Variants in GPT2 observed in about 807,000 individuals in gnomAD.
GPT2 encodes the protein glutamic--pyruvic transaminase 2, also known as alanine aminotransferase 2.
Under a neutral mutation model 56.9 loss-of-function variants are expected in GPT2, and 30 were observed. The ratio of observed to expected loss-of-function variants is 0.53; its 90% CI spans 0.39 to 0.72. GPT2 has a LOEUF of 0.72. Among genes scored for constraint, GPT2 ranks in the 30% least tolerant of loss-of-function variants. The pLI is 0.00. For synonymous variants in GPT2, 271 were observed against 283.1 expected (o/e 0.96, Z 0.43); for missense variants, 542 against 703.4 (o/e 0.77, Z 2.60).
At position 46,930,106 on chromosome 16, in the gene GPT2, A is replaced by C. The variant is rs1326893583; in HGVS notation, c.*1109A>C. Reference sequence around the variant, plus strand: ...GTTGGAGGTTCATTGCCGTGCTTTCATGCAGAGTGTTTTGCCTTCATGTTA... The same window carrying C: ...GTTGGAGGTTCATTGCCGTGCTTTCCTGCAGAGTGTTTTGCCTTCATGTTA... On this transcript the variant is annotated 3_prime_UTR_variant, in exon 12 of 12. Transcript: ENST00000340124. The C allele has an allele frequency of 2.0e-5, 3 of 153,196 alleles. No individual in the cohort carries two copies. The highest frequency in any genetic ancestry group is 6.5e-5 in the Admixed American group (1 of 15,290). The allele number at this position is 153,196 out of a possible 1,614,324, so 9.5% of individuals were successfully genotyped here.
intron 2 of GPT2, among the ~76,000 whole-genome samples, chr16:46,890,141 G>A (rs905341112): frequency 1.3e-5 from 2 of 152,174 alleles, no homozygotes; most frequent in Non-Finnish European, 2.9e-5. Context: ...GTGTGTAGCT[G>A]CAGCTCCGGT....
Position 46,909,735 on chromosome 16 carries a change from A to T in GPT2, c.628A>T (p.Met210Leu), listed in dbSNP as rs1023571145. 1.2e-6 allele frequency: 2 copies of T among 1,614,130 alleles called. No individual in the cohort carries two copies. Among genetic ancestry groups the T allele is most frequent in the Non-Finnish European group, 8.5e-7 (1 of 1,180,028 alleles). Reference protein sequence around the residue: ...SGGGKSRTGVMIPIPQYPLYS... With the variant: ...SGGGKSRTGVLIPIPQYPLYS... Reference sequence around the variant, plus strand: ...GGGCGGCAAGTCACGGACAGGTGTGATGATCCCCATCCCACAATATCCCCT... The same window carrying T: ...GGGCGGCAAGTCACGGACAGGTGTGTTGATCCCCATCCCACAATATCCCCT... Residue 210 changes from methionine (M) to leucine (L), a missense_variant, in exon 6 of 12, where the codon ATG becomes TTG. By Grantham distance (15) the Met-to-Leu change is conservative. Coordinates refer to ENST00000340124, the MANE Select transcript of GPT2 (RefSeq NM_133443.4).
At position 46,909,664 on chromosome 16, in the gene GPT2, A is replaced by T; in HGVS notation, c.577-20A>T. On this transcript the variant is annotated intron_variant, in intron 5 of 11. Coordinates refer to ENST00000340124, the MANE Select transcript of GPT2 (RefSeq NM_133443.4). The stretch of plus-strand genomic sequence containing the variant: ...ATGGGAAGTAGTGCTGGCTTTCTAG[A>T]TGTGAATTCTCTGTTGCAGACGATC... The T allele has an allele frequency of 3.7e-6, 6 of 1,607,442 alleles. No individual in the cohort carries two copies. The highest frequency in any genetic ancestry group is 5.1e-6 in the Non-Finnish European group (6 of 1,174,720).
rs1175793000 is a variant in GPT2, at chr16:46,909,791, C to T, written c.684C>T (p.Ala228=). ...LYSAVISELD[A]IQVNYYLDEE... is the part of the protein sequence containing the mutation. ...CAGCTGTCATCTCTGAGCTCGACGCCATCCAGGTGAATTACTACCTGGACG... is the reference window on the plus strand; with the variant it reads ...CAGCTGTCATCTCTGAGCTCGACGCTATCCAGGTGAATTACTACCTGGACG... The change falls in exon 6 of 12, where the codon GCC becomes GCT. Residue 228 remains alanine, a synonymous_variant. Transcript: ENST00000340124. The T allele has an allele frequency of 1.2e-6, 2 of 1,614,046 alleles. No homozygotes were observed. Among genetic ancestry groups the T allele is most frequent in the East Asian group, 4.5e-5 (2 of 44,890 alleles).
rs1401416535 is a variant in GPT2, at chr16:46,922,298, G to C, written c.1094G>C (p.Gly365Ala). 6.2e-7 allele frequency: 1 copy of C among 1,614,052 alleles called. No homozygotes were observed. Among genetic ancestry groups the C allele is most frequent in the African/African-American group, 1.3e-5 (1 of 74,934 alleles). ...ATCAACCTGCACCCTGAGATCAAGG[G>C]CCAGCTGGTGAAGCTGCTGTCGGTG... Reference protein sequence around the residue: ...EVINLHPEIKGQLVKLLSVRL... With the variant: ...EVINLHPEIKAQLVKLLSVRL... The change falls in exon 9 of 12, where the codon GGC (glycine) becomes GCC (alanine). Residue 365 changes from glycine (G) to alanine (A), a missense_variant. Gly to Ala is a moderately conservative substitution (Grantham distance 60). Coordinates refer to ENST00000340124, the MANE Select transcript of GPT2 (RefSeq NM_133443.4).
intron 4 of GPT2, among the ~76,000 whole-genome samples, chr16:46,905,087 C>G (rs1393653842): frequency 6.7e-6 from 1 of 150,218 alleles, no homozygotes; most frequent in Non-Finnish European, 1.5e-5. Flanking sequence ...AAGACCGTCT[C>G]AATCTGTCGC....
At chr16:46,919,345 G>T (rs778721907) in intron 8 of GPT2, among the ~76,000 whole-genome samples, 1 of 152,100 alleles carries the variant, frequency 6.6e-6, no homozygotes, top group Non-Finnish European at 1.5e-5. Flanking sequence ...TGCGTCCCAC[G>T]GAGAACAGTC....
At chr16:46,915,008 C>G (rs1335469350) in intron 6 of GPT2, among the ~76,000 whole-genome samples, 1 of 152,116 alleles carries the variant, frequency 6.6e-6, no homozygotes, top group South Asian at 2.1e-4. Context: ...GCCTCAAACT[C>G]CTGAGCTCAA....
chr16:46,919,383 A>G (rs1029526266), intron 8 of GPT2, among the ~76,000 whole-genome samples: 6 of 152,136 alleles, frequency 3.9e-5, no homozygotes, highest in African/African-American at 1.4e-4. Flanking sequence ...GGTGGGGTCG[A>G]AGGCTGAAGT....
intron 7 of GPT2, among the ~76,000 whole-genome samples, chr16:46,917,428 T>A (rs1245066562): frequency 1.3e-5 from 2 of 152,206 alleles, no homozygotes; most frequent in African/African-American, 4.8e-5. Context: ...CTTCTGTATC[T>A]ACTGTCTCAT....
chr16:46,902,531 A>G (rs1268698087), intron 4 of GPT2, among the ~76,000 whole-genome samples: 1 of 152,166 alleles, frequency 6.6e-6, no homozygotes, highest in Non-Finnish European at 1.5e-5. Flanking sequence ...CCACAGGAGT[A>G]AAAAGAAATG....
At chr16:46,897,801 AGGGGCCGTCCTCT>A (rs1240432728) in intron 3 of GPT2, 64 bp downstream of exon 3, 1 of 1,450,110 alleles carries the variant, frequency 6.9e-7, no homozygotes, top group African/African-American at 1.4e-5. Context: ...GGGCCGTCAT[AGGGGCCGTCCTCT>A]GCCCCCTCGA....
At chr16:46,897,169 G>A (rs542580454) in intron 2 of GPT2, among the ~76,000 whole-genome samples, 1 of 152,340 alleles carries the variant, frequency 6.6e-6, no homozygotes, top group Non-Finnish European at 1.5e-5. Flanking sequence ...GATCACATGA[G>A]TTGGAGACCA....
chr16:46,906,655 G>A (rs574411466), intron 4 of GPT2, among the ~76,000 whole-genome samples, 187 bp from the exon 5 acceptor site: 1 of 152,090 alleles, frequency 6.6e-6, no homozygotes, highest in Non-Finnish European at 1.5e-5. Flanking sequence ...TGGATAGAGG[G>A]GTGGGTGGAT....
intron 10 of GPT2, among the ~76,000 whole-genome samples, chr16:46,925,180 TG>T (rs1440258985): frequency 6.6e-6 from 1 of 151,890 alleles, no homozygotes; most frequent in Non-Finnish European, 1.5e-5. Flanking sequence ...CCCAAAGTGC[TG>T]GAATTGCAGG....
chr16:46,886,231 G>A (rs1270840904), intron 2 of GPT2, among the ~76,000 whole-genome samples: 1 of 152,232 alleles, frequency 6.6e-6, no homozygotes, highest in Non-Finnish European at 1.5e-5. Flanking sequence ...AACACAGGCT[G>A]TTGATGTCTG....
At chr16:46,885,233 T>C in intron 2 of GPT2, 1 of 1,205,976 alleles carries the variant, frequency 8.3e-7, no homozygotes, top group Non-Finnish European at 1.0e-6. Context: ...ACGTTGTGTG[T>C]CTGCCCTACT....
rs577756791 is a variant in GPT2, at chr16:46,924,490, C to T, written c.1314C>T (p.Ala438=). ...TTCACTGCAACCCCTTGCAGGGGGC[C>T]ATGTACGCCTTCCCTCGGATCTTCA... ...PGIHCNPLQG[A]MYAFPRIFIP... The change falls in exon 10 of 12, where the codon GCC becomes GCT. Residue 438 remains alanine (A), a synonymous_variant. Coordinates refer to ENST00000340124, the MANE Select transcript of GPT2 (RefSeq NM_133443.4). The T allele has an allele frequency of 6.8e-6, 11 of 1,614,234 alleles. No homozygotes were observed. The highest frequency in any genetic ancestry group is 9.3e-6 in the Non-Finnish European group (11 of 1,180,042).
intron 2 of GPT2, among the ~76,000 whole-genome samples, chr16:46,893,340 C>T (rs1960619932): frequency 6.6e-6 from 1 of 152,102 alleles, no homozygotes; most frequent in Non-Finnish European, 1.5e-5. Flanking sequence ...ACCGTGTTAG[C>T]CAGGATGGTC....
Sources: allele counts gnomAD v4.1 joint callset (sites outside exome capture counted in the v4.1 genomes callset), GRCh38; gene constraint gnomAD v4.1.1; transcripts MANE v1.5; gene names NCBI Gene and HGNC (gene_info 2026-07-23, HGNC 2026-07-21).